RAI14: variants seen among roughly 807,000 people sequenced by gnomAD.
RAI14 encodes ankycorbin.
In RAI14, 45 loss-of-function variants were observed where a neutral mutation model predicts 115.4. The ratio of observed to expected loss-of-function variants is 0.39; its 90% CI spans 0.31 to 0.50. RAI14 has a LOEUF of 0.50. RAI14 is among the 20% of genes least tolerant of loss of function. The pLI, the probability that RAI14 is intolerant of heterozygous loss-of-function variation, is 0.85. For missense variants in RAI14, 939 were observed against 1,131.2 expected (o/e 0.83, Z 2.44); for synonymous variants, 371 against 415.4 (o/e 0.89, Z 1.30).
In RAI14 at chr5:34,688,191, C is replaced by CT. The variant is rs1385589939; in HGVS notation, c.36+1237dup. Reference sequence around the variant, plus strand: ...AAACCTCCTTCAACCTCATCGTCTGCTGGCTGTATGTTATGCAGCCTACAT... The same window carrying CT: ...AAACCTCCTTCAACCTCATCGTCTGCTTGGCTGTATGTTATGCAGCCTACAT... On this transcript the variant is annotated intron_variant, in intron 2 of 17. Coordinates refer to ENST00000265109, the MANE Select transcript of RAI14 (RefSeq NM_015577.3). 9 of 1,549,810 alleles carry CT rather than the reference C, an allele frequency of 5.8e-6. No homozygotes were observed. The African/African-American group carries it at 6.9e-5, about 12-fold the overall frequency.
chr5:34,670,348 C>G (rs1743529795), intron 1 of RAI14, among the ~76,000 whole-genome samples: 1 of 152,140 alleles, frequency 6.6e-6, no homozygotes, highest in Non-Finnish European at 1.5e-5. Context: ...GCCCCTTTGG[C>G]TAAATAAACT....
intron 5 of RAI14, among the ~76,000 whole-genome samples, chr5:34,806,721 G>A (rs563742536): frequency 3.9e-4 from 60 of 152,278 alleles, no homozygotes; most frequent in African/African-American, 1.3e-3. Flanking sequence ...TCAGGGAGGA[G>A]CAGGTGGGGC....
intron 1 of RAI14, among the ~76,000 whole-genome samples, chr5:34,684,354 GT>G (rs1428785688): frequency 6.6e-6 from 1 of 152,172 alleles, no homozygotes; most frequent in Non-Finnish European, 1.5e-5. Flanking sequence ...TAGTCCCCAG[GT>G]CCTTCTGATG....
At chr5:34,765,017 T>C (rs542039719) in intron 3 of RAI14, among the ~76,000 whole-genome samples, 2 of 152,266 alleles carry the variant, frequency 1.3e-5, no homozygotes, top group Admixed American at 1.3e-4. Context: ...ATGATTTTAG[T>C]AGGGGTTTTT....
intron 2 of RAI14, among the ~76,000 whole-genome samples, chr5:34,719,592 T>G (rs1742419302): frequency 6.6e-6 from 1 of 152,224 alleles, no homozygotes; most frequent in East Asian, 1.9e-4. Context: ...TGCTCTTCCC[T>G]GAGTTACCGT....
rs138956127 is a variant in RAI14, at chr5:34,771,053, C to T, written c.167+13455C>T. 3.3e-3 allele frequency among the ~76,000 whole-genome samples: 499 copies of T among 152,154 alleles called. 1 individual carries two copies. Among genetic ancestry groups the T allele is most frequent in the African/African-American group, 0.011 (461 of 41,512 alleles). On this transcript the variant is annotated intron_variant, in intron 3 of 17. Coordinates refer to ENST00000265109, the MANE Select transcript of RAI14 (RefSeq NM_015577.3). Reference sequence around the variant, plus strand: ...GAGTCTCTTCCTGATCACAGTCACTCCTTTCTTGGAAATGAAGATTTTTTA... The same window carrying T: ...GAGTCTCTTCCTGATCACAGTCACTTCTTTCTTGGAAATGAAGATTTTTTA...
chr5:34,786,145 G>A lies in RAI14; in HGVS notation c.168-9794G>A, dbSNP rs560415883. Among the ~76,000 whole-genome samples the A allele has an allele frequency of 4.6e-5, 7 of 152,320 alleles. No individual in the cohort carries two copies. The South Asian group carries it at 1.5e-3, about 32-fold the overall frequency. ...TGCCCCGGTTTGGAACGGGGCCCGGGATGGGCCCCTCATGCCATTTCCCAA... is the reference window on the plus strand; with the variant it reads ...TGCCCCGGTTTGGAACGGGGCCCGGAATGGGCCCCTCATGCCATTTCCCAA... On this transcript the variant is annotated intron_variant, in intron 3 of 17. Coordinates refer to ENST00000265109, the MANE Select transcript of RAI14 (RefSeq NM_015577.3).
chr5:34,787,281 G>A (rs1017897464), intron 3 of RAI14, among the ~76,000 whole-genome samples: 1 of 152,216 alleles, frequency 6.6e-6, no homozygotes, highest in Admixed American at 6.5e-5. Context: ...ATTAAAAAAT[G>A]TGTCTACACA....
intron 3 of RAI14, among the ~76,000 whole-genome samples, chr5:34,785,967 C>T (rs1020393912): frequency 5.9e-5 from 9 of 152,272 alleles, no homozygotes; most frequent in Admixed American, 6.5e-5. Context: ...CTATCATCCC[C>T]GCTGGCAAGG....
intron 3 of RAI14, among the ~76,000 whole-genome samples, chr5:34,790,326 A>G (rs957497595): frequency 1.3e-5 from 2 of 152,244 alleles, no homozygotes; most frequent in Admixed American, 6.5e-5. Context: ...CATAATACAC[A>G]GGAGATGGGT....
intron 4 of RAI14, among the ~76,000 whole-genome samples, chr5:34,801,544 C>T (rs1486058677): frequency 6.6e-6 from 1 of 152,020 alleles, no homozygotes; most frequent in Non-Finnish European, 1.5e-5. Flanking sequence ...GAGTTCGAGA[C>T]CAGCCTGGCC....
At chr5:34,804,807 AC>A (rs1754670424) in intron 5 of RAI14, among the ~76,000 whole-genome samples, 1 of 152,176 alleles carries the variant, frequency 6.6e-6, no homozygotes, top group Non-Finnish European at 1.5e-5. Flanking sequence ...CTGGGACCAG[AC>A]ACTCTGGATA....
At chr5:34,693,710 G>A (rs1015989682) in intron 2 of RAI14, among the ~76,000 whole-genome samples, 1 of 152,138 alleles carries the variant, frequency 6.6e-6, no homozygotes, top group Admixed American at 6.5e-5. Context: ...GGAGAGTGTC[G>A]CATGCTGTCA....
In RAI14 at chr5:34,808,427, A is replaced by G. The variant is rs138956600; in HGVS notation, c.380-157A>G. Among the ~76,000 whole-genome samples, 66 of 152,260 alleles carry G rather than the reference A, an allele frequency of 4.3e-4. No homozygotes were observed. In the East Asian group the frequency reaches 0.012, roughly 28 times the overall value. ...ATTAAGCAGTAATTTTAAACACCTC[A>G]CTCCTAACCTTCCTAATACCATTTC... On this transcript the variant is annotated intron_variant, in intron 6 of 17. Coordinates refer to ENST00000265109, the MANE Select transcript of RAI14 (RefSeq NM_015577.3).
chr5:34,807,899 A>G, intron 6 of RAI14, 42 bp downstream of exon 6: 1 of 1,496,026 alleles, frequency 6.7e-7, no homozygotes, highest in Non-Finnish European at 9.3e-7. Context: ...GCCATTAGAA[A>G]CACCAACTTT....
At chr5:34,708,207 GT>G (rs953677214) in intron 2 of RAI14, among the ~76,000 whole-genome samples, 38 of 144,486 alleles carry the variant, frequency 2.6e-4, no homozygotes, top group East Asian at 6.1e-4. Flanking sequence ...TTGGGTTTTT[GT>G]TTTTTTTTTT....
chr5:34,822,413 A>C (rs1756954256), intron 14 of RAI14, among the ~76,000 whole-genome samples: 1 of 151,168 alleles, frequency 6.6e-6, no homozygotes, highest in Non-Finnish European at 1.5e-5. Context: ...TGATATAAGA[A>C]ATAAAGGAAA....
At chr5:34,671,624 A>C (rs939409271) in intron 1 of RAI14, among the ~76,000 whole-genome samples, 2 of 152,196 alleles carry the variant, frequency 1.3e-5, no homozygotes, top group Non-Finnish European at 2.9e-5. Flanking sequence ...TAAATTATCT[A>C]GTGGCCACAA....
chr5:34,687,001 G>T (rs773623692), intron 2 of RAI14, 46 bp downstream of exon 2: 1 of 1,608,598 alleles, frequency 6.2e-7, no homozygotes, highest in South Asian at 1.1e-5. Context: ...TCTTCTCCAT[G>T]GAGCTGCAGA....
Sources: gnomAD v4.1 joint callset for allele counts (sites outside exome capture counted in the v4.1 genomes callset) on GRCh38, gnomAD v4.1.1 for gene constraint, MANE v1.5 for transcripts, NCBI Gene and HGNC (gene_info 2026-07-23, HGNC 2026-07-21) for gene names.